Variants in NOP14 observed in about 807,000 individuals in gnomAD.
NOP14 encodes NOP14 nucleolar protein.
A neutral mutation model predicts 101.6 loss-of-function variants in NOP14; 57 were observed. The ratio of observed to expected loss-of-function variants is 0.56; its 90% CI spans 0.45 to 0.70. NOP14 has a LOEUF of 0.70. Ranked by LOEUF, NOP14 falls within the 30% of genes least tolerant of loss-of-function variation. The pLI is 0.00. For synonymous variants in NOP14, 428 were observed against 424.0 expected, an observed-to-expected ratio of 1.01 and a Z score of -0.12; for missense variants, 1,134 against 1,075.5, an observed-to-expected ratio of 1.05 and a Z score of -0.76.
At chr4:2,948,070 G>C (rs376992004) in intron 9 of NOP14, among the ~76,000 whole-genome samples, 2 of 152,244 alleles carry the variant, frequency 1.3e-5, no homozygotes, top group Non-Finnish European at 2.9e-5. Flanking sequence ...GGTCTGGCAC[G>C]AGGCCTAGAG....
intron 11 of NOP14, 40 bp downstream of exon 11, chr4:2,946,372 T>G (rs201101401): frequency 9.3e-6 from 15 of 1,610,690 alleles, no homozygotes; most frequent in Non-Finnish European, 1.3e-5. Flanking sequence ...CAAACAGAAC[T>G]TCTGTGGCAG....
chr4:2,957,081 A>G (rs1169444784), intron 2 of NOP14, among the ~76,000 whole-genome samples: 1 of 152,110 alleles, frequency 6.6e-6, no homozygotes. Flanking sequence ...GGCTCACTGC[A>G]ACCTCTGACT....
At chr4:2,950,469 G>A in intron 7 of NOP14, 2 of 538,380 alleles carry the variant, frequency 3.7e-6, no homozygotes, top group South Asian at 2.2e-5. Context: ...CTTTTGCCAG[G>A]GAGCAGCATG....
chr4:2,955,894 A>G (rs1300157985), intron 3 of NOP14, among the ~76,000 whole-genome samples: 3 of 152,226 alleles, frequency 2.0e-5, no homozygotes, highest in Non-Finnish European at 4.4e-5. Context: ...GGATTAGCCA[A>G]ATATCAGAAG....
chr4:2,948,854 G>A (rs922261216), intron 8 of NOP14, among the ~76,000 whole-genome samples: 9 of 152,226 alleles, frequency 5.9e-5, no homozygotes, highest in South Asian at 4.1e-4. Flanking sequence ...ACCCACCAGC[G>A]TTTGCCCTGG....
At chr4:2,947,458 G>A in intron 10 of NOP14, 68 bp downstream of exon 10, 1 of 1,075,136 alleles carries the variant, frequency 9.3e-7, no homozygotes, top group Non-Finnish European at 1.4e-6. Context: ...GTATTTTTAT[G>A]ACTCTAAATG....
intron 1 of NOP14, among the ~76,000 whole-genome samples, chr4:2,958,608 C>A (rs919566329): frequency 6.6e-6 from 1 of 152,216 alleles, no homozygotes; most frequent in Admixed American, 6.5e-5. Context: ...ATCGGTGCCT[C>A]GGCAGACATT....
intron 1 of NOP14, among the ~76,000 whole-genome samples, chr4:2,959,626 C>T (rs1715595522): frequency 1.3e-5 from 2 of 151,972 alleles, no homozygotes; most frequent in Non-Finnish European, 2.9e-5. Context: ...ACAAACAAAC[C>T]ACCTTGGGTA....
intron 2 of NOP14, 51 bp from the exon 3 acceptor site, chr4:2,956,862 C>CAAAA: frequency 8.9e-7 from 1 of 1,124,470 alleles, no homozygotes; most frequent in Non-Finnish European, 1.2e-6. Context: ...CATTTCACAG[C>CAAAA]AAAAAAAAAA....
rs949655605 is a variant in NOP14, at chr4:2,938,089, A to G, written c.*742T>C. ...GTGAACCAGTCGCAGCTGATAACAC[A>G]CAGACCATTCCCGATCCCAGAGGTG... On this transcript the variant is annotated 3_prime_UTR_variant, in exon 18 of 18. Transcript: ENST00000416614. 5 of 821,738 alleles carry G rather than the reference A, an allele frequency of 6.1e-6. No homozygotes were observed. Among genetic ancestry groups the G allele is most frequent in the African/African-American group, 3.6e-5 (2 of 56,062 alleles). The allele number at this position is 821,738 out of a possible 1,614,324, so 50.9% of individuals were successfully genotyped here.
At chr4:2,948,501 C>A in intron 8 of NOP14, 93 bp from the exon 9 acceptor site, 1 of 1,028,062 alleles carries the variant, frequency 9.7e-7, no homozygotes. Context: ...GTTGCCCAGG[C>A]TGGAGTGCAG....
chr4:2,951,251 C>A lies in NOP14; in HGVS notation c.871-6G>T, dbSNP rs750719497. 22 of 1,613,224 alleles carry A rather than the reference C, an allele frequency of 1.4e-5. No homozygotes were observed. Among genetic ancestry groups the A allele is most frequent in the Non-Finnish European group, 1.9e-5 (22 of 1,179,676 alleles). On this transcript the variant is annotated splice_polypyrimidine_tract_variant and splice_region_variant and intron_variant, in intron 6 of 17. Transcript: ENST00000416614. ...ATTCTTCGAAGTCTCTCAGCCTGAG[C>A]AGGAAGGAATGAGATGTCTTAGAGC...
chr4:2,953,942 A>G (rs1715180617), intron 4 of NOP14, among the ~76,000 whole-genome samples: 1 of 152,190 alleles, frequency 6.6e-6, no homozygotes, highest in South Asian at 2.1e-4. Context: ...CAACAACAAA[A>G]AACCCATCCG....
intron 9 of NOP14, 189 bp from the exon 10 acceptor site, chr4:2,947,800 G>A: frequency 3.3e-6 from 2 of 606,620 alleles, no homozygotes; most frequent in Admixed American, 2.9e-5. Context: ...AGCACTAGAA[G>A]GTGTAGGGGG....
rs757604213 is a variant in NOP14, at chr4:2,946,471, G to A, written c.1576C>T (p.His526Tyr). The change falls in exon 11 of 18, where the codon CAT becomes TAT. Residue 526 changes from histidine to tyrosine, a missense_variant. Coordinates refer to ENST00000416614, the MANE Select transcript of NOP14 (RefSeq NM_001291978.2). ...AIKFVLRDAM[H>Y]EMEEMIETKG... is the part of the protein sequence containing the mutation. ...GTCTCAATCATTTCTTCCATCTCAT[G>A]CATCGCATCTCGGAGAACAAATTTG... The A allele has an allele frequency of 3.1e-6, 5 of 1,614,210 alleles. No homozygotes were observed. The highest frequency in any genetic ancestry group is 1.6e-4 in the Middle Eastern group (1 of 6,062).
Position 2,954,516 on chromosome 4 carries a change from T to C in NOP14, c.520A>G (p.Lys174Glu). The change falls in exon 4 of 18, where the codon AAG becomes GAG. Residue 174 changes from lysine (K) to glutamate (E), a missense_variant. Lys to Glu is a moderately conservative substitution (Grantham distance 56). Transcript: ENST00000416614. Reference sequence around the variant, plus strand: ...TCCTCGCCTTCCTGTTGAGTCTTCTTGTGAAGGAGCCCACCGCCTCCTCCA... The same window carrying C: ...TCCTCGCCTTCCTGTTGAGTCTTCTCGTGAAGGAGCCCACCGCCTCCTCCA... Reference protein sequence around the residue: ...HFGGGGGLLHKKTQQEGEERE... With the variant: ...HFGGGGGLLHEKTQQEGEERE... 6.2e-7 allele frequency: 1 copy of C among 1,614,136 alleles called. No homozygotes were observed. The highest frequency in any genetic ancestry group is 2.2e-5 in the East Asian group (1 of 44,876).
At chr4:2,953,010 T>C (rs773583132) in intron 5 of NOP14, among the ~76,000 whole-genome samples, 5 of 152,208 alleles carry the variant, frequency 3.3e-5, no homozygotes, top group Non-Finnish European at 7.3e-5. Context: ...AAAGTAACGG[T>C]AACATCAAGG....
At chr4:2,951,308 G>A (rs1442751897) in intron 6 of NOP14, 63 bp from the exon 7 acceptor site, 4 of 1,536,778 alleles carry the variant, frequency 2.6e-6, no homozygotes, top group Non-Finnish European at 2.7e-6. Flanking sequence ...AGGGGGCCGT[G>A]CAGTCCTGCC....
intron 15 of NOP14, chr4:2,940,554 C>T (rs1269319339): frequency 6.6e-6 from 1 of 152,080 alleles, no homozygotes; most frequent in East Asian, 1.9e-4. Context: ...GCTCACATCT[C>T]ATCCTCATCA....
Sources: allele counts gnomAD v4.1 joint callset (sites outside exome capture counted in the v4.1 genomes callset), GRCh38; gene constraint gnomAD v4.1.1; transcripts MANE v1.5; gene names NCBI Gene and HGNC (gene_info 2026-07-23, HGNC 2026-07-21).